PTPRD: variants seen among roughly 807,000 people sequenced by gnomAD.
PTPRD encodes the protein protein tyrosine phosphatase receptor type D, also known as receptor-type tyrosine-protein phosphatase delta.
PTPRD carries 34 observed loss-of-function variants against 214.5 expected under a neutral mutation model. That is an observed-to-expected ratio of 0.16 (90% confidence interval 0.12 to 0.21). PTPRD has a LOEUF of 0.21. Ranked by LOEUF, PTPRD falls within the 10% of genes least tolerant of loss-of-function variation. The pLI, the probability that PTPRD is intolerant of heterozygous loss-of-function variation, is 1.00. For missense variants in PTPRD, 2,545 were observed against 2,398.7 expected, an observed-to-expected ratio of 1.06 and a Z score of -1.27; for synonymous variants, 1,128 against 845.7, an observed-to-expected ratio of 1.33 and a Z score of -5.79.
At chr9:8,458,786 T>A (rs1337395240) in intron 33 of PTPRD, among the ~76,000 whole-genome samples, 1 of 152,084 alleles carries the variant, frequency 6.6e-6, no homozygotes, top group African/African-American at 2.4e-5. Context: ...CAGATTGGAA[T>A]GGAAGATTCA....
intron 3 of PTPRD, among the ~76,000 whole-genome samples, chr9:10,068,874 A>G (rs1272353023): frequency 6.6e-6 from 1 of 151,976 alleles, no homozygotes; most frequent in Non-Finnish European, 1.5e-5. Context: ...AATGCACCCT[A>G]CATATCCATA....
intron 8 of PTPRD, among the ~76,000 whole-genome samples, chr9:9,435,057 A>T (rs1411149764): frequency 6.6e-6 from 1 of 151,936 alleles, no homozygotes; most frequent in Non-Finnish European, 1.5e-5. Context: ...TTAGGTCCAG[A>T]TAATTTAAAC....
At chr9:9,240,391 G>T (rs565490934) in intron 9 of PTPRD, among the ~76,000 whole-genome samples, 1 of 152,168 alleles carries the variant, frequency 6.6e-6, no homozygotes, top group East Asian at 1.9e-4. Flanking sequence ...ATTCTTTCTA[G>T]GCTGGATGCA....
At position 8,507,445 on chromosome 9, in the gene PTPRD, G is replaced by A. The variant is rs1473445700; in HGVS notation, c.1544-11C>T. ...GTGGCTGCCCTGGTACTAAAAACAG[G>A]GAGGCAATGGATTGAACTCACAATC... On this transcript the variant is annotated splice_polypyrimidine_tract_variant and intron_variant, in intron 21 of 45. Transcript: ENST00000381196. The A allele has an allele frequency of 1.9e-6, 3 of 1,613,518 alleles. No individual in the cohort carries two copies. Among genetic ancestry groups the A allele is most frequent in the Admixed American group, 1.7e-5 (1 of 59,996 alleles).
intron 3 of PTPRD, among the ~76,000 whole-genome samples, chr9:10,272,624 T>C (rs2094483271): frequency 6.6e-6 from 1 of 152,198 alleles, no homozygotes; most frequent in Non-Finnish European, 1.5e-5. Context: ...GCCTGTGAAA[T>C]TTGTAAAACA....
chr9:8,747,049 A>T (rs560430530), intron 11 of PTPRD, among the ~76,000 whole-genome samples: 3 of 152,198 alleles, frequency 2.0e-5, no homozygotes, highest in Middle Eastern at 3.4e-3. Context: ...TCAAGCCCCA[A>T]ATTAAAATGC....
intron 8 of PTPRD, among the ~76,000 whole-genome samples, chr9:9,472,191 T>C (rs927890635): frequency 2.3e-5 from 1 of 43,220 alleles, no homozygotes; most frequent in Non-Finnish European, 4.6e-5. Context: ...ACTCCAATCT[T>C]TTTTTTTTTT....
At chr9:9,090,939 C>T in intron 10 of PTPRD, 3 of 1,560,564 alleles carry the variant, frequency 1.9e-6, no homozygotes, top group Non-Finnish European at 2.6e-6. Context: ...CCAAAAAGGG[C>T]TGCGGCCACG....
rs575740745 is a variant in PTPRD, at chr9:8,968,090, C to A, written c.-104+50607G>T. On this transcript the variant is annotated intron_variant, in intron 11 of 45. Coordinates refer to ENST00000381196, the MANE Select transcript of PTPRD (RefSeq NM_002839.4). ...CCCTACAAAGGACATGAACTCATCC[C>A]TTTTTATGGCTGCATAGTATTCCAC... Among the ~76,000 whole-genome samples, 13 of 152,036 alleles carry A rather than the reference C, an allele frequency of 8.6e-5. No homozygotes were observed. In the South Asian group the frequency reaches 2.5e-3, roughly 29 times the overall value.
At chr9:10,557,337 T>C (rs532543612) in intron 2 of PTPRD, among the ~76,000 whole-genome samples, 1 of 152,252 alleles carries the variant, frequency 6.6e-6, no homozygotes, top group Admixed American at 6.5e-5. Flanking sequence ...GTCAAAAGAT[T>C]AGCAGAGAGA....
At chr9:9,593,077 A>G (rs2092907052) in intron 7 of PTPRD, among the ~76,000 whole-genome samples, 1 of 151,638 alleles carries the variant, frequency 6.6e-6, no homozygotes, top group East Asian at 2.0e-4. Context: ...AGAAAAAAAG[A>G]AAGAGAGAGA....
intron 8 of PTPRD, among the ~76,000 whole-genome samples, chr9:9,473,044 C>T (rs947510488): frequency 5.9e-5 from 9 of 152,118 alleles, no homozygotes; most frequent in African/African-American, 2.2e-4. Flanking sequence ...CTCTACATTA[C>T]TACAGAACAT....
At chr9:9,961,933 CT>C (rs2094393376) in intron 4 of PTPRD, among the ~76,000 whole-genome samples, 1 of 151,916 alleles carries the variant, frequency 6.6e-6, no homozygotes, top group Admixed American at 6.6e-5. Context: ...GCTAATTACC[CT>C]AATTTGACCC....
intron 43 of PTPRD, among the ~76,000 whole-genome samples, chr9:8,337,192 C>G (rs545927520): frequency 2.2e-4 from 33 of 152,206 alleles, no homozygotes; most frequent in East Asian, 5.8e-4. Flanking sequence ...AGACTTGTAA[C>G]CAACCCAAAT....
intron 8 of PTPRD, among the ~76,000 whole-genome samples, chr9:9,406,689 A>T (rs551704696): frequency 1.3e-5 from 2 of 151,868 alleles, no homozygotes; most frequent in African/African-American, 4.8e-5. Context: ...GGATTGAAAG[A>T]GTGATGTGGG....
At chr9:8,401,571 ACT>A (rs2092399761) in intron 36 of PTPRD, among the ~76,000 whole-genome samples, 4 of 152,168 alleles carry the variant, frequency 2.6e-5, no homozygotes, top group Non-Finnish European at 5.9e-5. Context: ...AAATAAAATG[ACT>A]GTGATTTGGA....
chr9:10,344,994 G>A (rs995596888), intron 2 of PTPRD, among the ~76,000 whole-genome samples: 4 of 151,954 alleles, frequency 2.6e-5, no homozygotes, highest in Non-Finnish European at 5.9e-5. Context: ...CTATAATAAT[G>A]TAATTTTATC....
chr9:8,641,777 C>A (rs968329418), intron 12 of PTPRD, among the ~76,000 whole-genome samples: 1 of 152,176 alleles, frequency 6.6e-6, no homozygotes. Flanking sequence ...CTGATTTTTG[C>A]TTTTAAGAAG....
intron 2 of PTPRD, among the ~76,000 whole-genome samples, chr9:10,595,038 G>A (rs1386707010): frequency 3.3e-5 from 5 of 151,986 alleles, no homozygotes; most frequent in Admixed American, 2.0e-4. Flanking sequence ...ATTTATAGGC[G>A]ATAATTAGAC....
Sources: gnomAD v4.1 joint callset for allele counts (sites outside exome capture counted in the v4.1 genomes callset) on GRCh38, gnomAD v4.1.1 for gene constraint, MANE v1.5 for transcripts, NCBI Gene and HGNC (gene_info 2026-07-23, HGNC 2026-07-21) for gene names.